PAK5: variants seen among roughly 807,000 people sequenced by gnomAD.
PAK5 encodes the protein serine/threonine-protein kinase PAK 5.
Under a neutral mutation model 65.9 loss-of-function variants are expected in PAK5, and 16 were observed. The observed-to-expected ratio is 0.24, with a 90% confidence interval of 0.16 to 0.37. PAK5 has a LOEUF of 0.37. Among genes scored for constraint, PAK5 ranks in the 10% least tolerant of loss-of-function variants. The probability of loss-of-function intolerance (pLI) is 1.00; values close to 1 mark genes in which losing one functional copy is unlikely to be tolerated. For synonymous variants in PAK5, 371 were observed against 354.9 expected, an observed-to-expected ratio of 1.05 and a Z score of -0.51; for missense variants, 785 against 903.9, an observed-to-expected ratio of 0.87 and a Z score of 1.69.
intron 1 of PAK5, among the ~76,000 whole-genome samples, chr20:9,715,032 A>G (rs936749384): frequency 6.6e-6 from 1 of 152,244 alleles, no homozygotes; most frequent in Non-Finnish European, 1.5e-5. Context: ...AACAAAAGCC[A>G]AAATTGACAA....
At chr20:9,550,514 G>A (rs995999329) in intron 7 of PAK5, among the ~76,000 whole-genome samples, 1 of 152,142 alleles carries the variant, frequency 6.6e-6, no homozygotes, top group Non-Finnish European at 1.5e-5. Flanking sequence ...AGGAGAGGAG[G>A]GAGTAGGTGG....
intron 1 of PAK5, among the ~76,000 whole-genome samples, chr20:9,800,217 T>A (rs531064543): frequency 5.9e-5 from 9 of 152,274 alleles, no homozygotes; most frequent in Admixed American, 5.9e-4. Context: ...TTGAGATTCA[T>A]GACGCTTTGA....
intron 5 of PAK5, among the ~76,000 whole-genome samples, chr20:9,564,027 T>C (rs775075781): frequency 6.6e-6 from 1 of 152,022 alleles, no homozygotes; most frequent in Non-Finnish European, 1.5e-5. Context: ...GACAAAGAGG[T>C]CAAGCAGCCG....
chr20:9,759,753 T>C (rs887900365), intron 1 of PAK5, among the ~76,000 whole-genome samples: 6 of 152,104 alleles, frequency 3.9e-5, no homozygotes, highest in African/African-American at 1.2e-4. Context: ...ACGAAATGAC[T>C]CCCTGGAGGC....
intron 9 of PAK5, among the ~76,000 whole-genome samples, chr20:9,540,736 A>T (rs969947590): frequency 1.2e-4 from 17 of 142,586 alleles, no homozygotes; most frequent in Non-Finnish European, 1.7e-4. Flanking sequence ...ATTTTTAGTC[A>T]CTTTTTTTTT....
intron 3 of PAK5, among the ~76,000 whole-genome samples, chr20:9,616,704 C>A (rs929171113): frequency 8.5e-5 from 13 of 152,074 alleles, no homozygotes; most frequent in African/African-American, 1.2e-4. Flanking sequence ...GTGCAGTGCC[C>A]AGACAAGGCC....
intron 8 of PAK5, among the ~76,000 whole-genome samples, chr20:9,543,599 G>A (rs1053607561): frequency 4.6e-5 from 7 of 152,170 alleles, no homozygotes; most frequent in African/African-American, 1.4e-4. Flanking sequence ...CTTAGCTCAC[G>A]GCCATGTCTT....
chr20:9,780,921 T>C (rs2048934419), intron 1 of PAK5, among the ~76,000 whole-genome samples: 1 of 152,200 alleles, frequency 6.6e-6, no homozygotes, highest in Admixed American at 6.5e-5. Flanking sequence ...CCTTTACTTA[T>C]CTAGGTATTA....
intron 2 of PAK5, among the ~76,000 whole-genome samples, chr20:9,652,578 A>G (rs775756433): frequency 2.0e-5 from 3 of 152,222 alleles, no homozygotes; most frequent in Non-Finnish European, 4.4e-5. Flanking sequence ...GAGAAACTGT[A>G]TCAAAGCCTG....
rs956390678 is a variant in PAK5, at chr20:9,735,216, A to G, written c.-161-23781T>C. ...TTTGTTGACTGAGCTAAGAGACCAA[A>G]GAGACAAAAGGAGCTGGAGTTTTCC... On this transcript the variant is annotated intron_variant, in intron 1 of 9. Transcript: ENST00000353224. Among the ~76,000 whole-genome samples, 10 of 152,340 alleles carry G rather than the reference A, an allele frequency of 6.6e-5. 1 individual carries two copies. The Middle Eastern group carries it at 0.014, about 207-fold the overall frequency.
intron 1 of PAK5, among the ~76,000 whole-genome samples, chr20:9,789,359 A>G (rs1034894176): frequency 6.6e-6 from 1 of 152,168 alleles, no homozygotes; most frequent in African/African-American, 2.4e-5. Context: ...TTCAGAACAC[A>G]CACCAGATGC....
intron 3 of PAK5, among the ~76,000 whole-genome samples, chr20:9,641,211 T>C (rs2047055327): frequency 6.6e-6 from 1 of 151,744 alleles, no homozygotes; most frequent in Non-Finnish European, 1.5e-5. Context: ...TGTCGATTGG[T>C]GCACCCACAA....
rs186971745 is a variant in PAK5 at position 9,622,574 on chromosome 20, G to C, written c.204+21551C>G. 1.6e-3 allele frequency among the ~76,000 whole-genome samples: 250 copies of C among 152,356 alleles called. 2 individuals are homozygous for C. Among genetic ancestry groups the C allele is most frequent in the Non-Finnish European group, 2.4e-3 (166 of 68,030 alleles). ...CCCATACCCGGAGTGTCTGTTGACT[G>C]TTGGGAAGCAGGGAGCACAGCAGGA... On this transcript the variant is annotated intron_variant, in intron 3 of 9. Coordinates refer to ENST00000353224, the MANE Select transcript of PAK5 (RefSeq NM_177990.4).
intron 3 of PAK5, among the ~76,000 whole-genome samples, chr20:9,641,829 C>T (rs919965594): frequency 2.6e-5 from 4 of 152,154 alleles, no homozygotes; most frequent in Non-Finnish European, 5.9e-5. Context: ...GCCACTGGCC[C>T]AGGTGCTAAG....
intron 2 of PAK5, among the ~76,000 whole-genome samples, chr20:9,676,343 T>C (rs2047571921): frequency 6.6e-6 from 1 of 152,132 alleles, no homozygotes; most frequent in Non-Finnish European, 1.5e-5. Flanking sequence ...TTAAATTGGG[T>C]CAATCTATAT....
Position 9,580,905 on chromosome 20 carries a change from C to G in PAK5, c.230G>C (p.Cys77Ser), listed in dbSNP as rs531236384. 36 of 1,601,656 alleles carry G rather than the reference C, an allele frequency of 2.2e-5. No homozygotes were observed. The South Asian group carries it at 4.0e-4, about 18-fold the overall frequency. ...CAGGCCGTTGATGGAGGTTTCCTTG[C>G]AGGGTTTGTTTCCTCTAACGATTGT... ...MKTIVRGNKP[C>S]KETSINGLLE... Residue 77 changes from cysteine to serine, a missense_variant, in exon 4 of 10, where the codon TGC (cysteine) becomes TCC (serine). Transcript: ENST00000353224.
chr20:9,552,810 C>A (rs1350156902), intron 7 of PAK5, among the ~76,000 whole-genome samples: 6 of 151,386 alleles, frequency 4.0e-5, no homozygotes, highest in Admixed American at 4.0e-4. Flanking sequence ...CAGCCTTAAA[C>A]TCTAGGGCCC....
chr20:9,586,631 T>G (rs1295349714), intron 3 of PAK5, among the ~76,000 whole-genome samples: 13 of 152,170 alleles, frequency 8.5e-5, no homozygotes, highest in Admixed American at 8.5e-4. Flanking sequence ...ATCTTATATT[T>G]AGGAAATTAA....
At chr20:9,824,662 A>C (rs2049463236) in intron 1 of PAK5, among the ~76,000 whole-genome samples, 2 of 152,090 alleles carry the variant, frequency 1.3e-5, no homozygotes, top group Non-Finnish European at 2.9e-5. Flanking sequence ...TCACTTTCTC[A>C]ATTATACCTA....
Sources: allele counts gnomAD v4.1 joint callset (sites outside exome capture counted in the v4.1 genomes callset), GRCh38; gene constraint gnomAD v4.1.1; transcripts MANE v1.5; gene names NCBI Gene and HGNC (gene_info 2026-07-23, HGNC 2026-07-21).